The following RNF17 variants were observed in gnomAD, a reference collection of about 807,000 sequenced individuals.
RNF17 encodes the protein ring finger protein 17.
RNF17 carries 31 observed loss-of-function variants against 200.5 expected under a neutral mutation model. That is an observed-to-expected ratio of 0.15 (90% CI 0.12 to 0.21). RNF17 has a LOEUF of 0.21. Ranked by LOEUF, RNF17 falls within the 10% of genes least tolerant of loss-of-function variation. RNF17 has a pLI of 1.00. For missense variants in RNF17, 1,628 were observed against 1,905.1 expected, an observed-to-expected ratio of 0.85 and a Z score of 2.71; for synonymous variants, 606 against 637.8, an observed-to-expected ratio of 0.95 and a Z score of 0.75.
chr13:24,761,544 A>G (rs999652958), upstream of RNF17, among the ~76,000 whole-genome samples: 3 of 152,202 alleles, frequency 2.0e-5, no homozygotes, highest in African/African-American at 7.2e-5. Context: ...TGTATTCAAG[A>G]AGGGAGCCCT....
chr13:24,886,597 G>A, the RNF17 span, among the ~76,000 whole-genome samples: 1 of 152,126 alleles, frequency 6.6e-6, no homozygotes, highest in African/African-American at 2.4e-5. Context: ...TTGAGCAAAG[G>A]GGCAGATGGC....
chr13:24,851,716 A>G (rs1457690319), intron 24 of RNF17, 145 bp downstream of exon 24: 4 of 585,160 alleles, frequency 6.8e-6, no homozygotes, highest in Non-Finnish European at 1.2e-5. Context: ...GCCAGCTCAG[A>G]AATAGATTCC....
At chr13:24,813,999 A>G (rs903760280) in intron 15 of RNF17, among the ~76,000 whole-genome samples, 1 of 151,992 alleles carries the variant, frequency 6.6e-6, no homozygotes, top group Non-Finnish European at 1.5e-5. Context: ...CTTAACTACT[A>G]ATAGCCTACT....
At chr13:24,885,545 A>G in the RNF17 span, 5 of 1,339,332 alleles carry the variant, frequency 3.7e-6, no homozygotes, top group Non-Finnish European at 5.4e-6. Flanking sequence ...AAGTCTATTA[A>G]CAAATTGATT....
chr13:24,814,194 T>C (rs1887117843), intron 15 of RNF17, among the ~76,000 whole-genome samples: 1 of 152,180 alleles, frequency 6.6e-6, no homozygotes, highest in Non-Finnish European at 1.5e-5. Flanking sequence ...ACCTTCATGT[T>C]GAATAGGCTG....
At chr13:24,832,918 AT>A (rs200346165) in intron 18 of RNF17, among the ~76,000 whole-genome samples, 1 of 151,780 alleles carries the variant, frequency 6.6e-6, no homozygotes, top group South Asian at 2.1e-4. Flanking sequence ...TAATTTTTAA[AT>A]TTTTTTTGTA....
Position 24,879,268 on chromosome 13 carries a change from G to A in RNF17, c.4855G>A (p.Ala1619Thr), listed in dbSNP as rs1454847199. The stretch of plus-strand genomic sequence containing the variant: ...TATGCCGTTGGTAGAAATGGGGCTT[G>A]CAGATAAAGATGAATAAGTGCCTAA... ...VHMPLVEMGL[A>T]DKDE The change falls in exon 35 of 36, where the codon GCA becomes ACA. Residue 1619 changes from alanine (A) to threonine (T), a missense_variant. Physicochemically the swap from Ala to Thr is moderately conservative, Grantham distance 58. Around this residue, in one of 5 missense-constraint regions of RNF17, gnomAD observed 609 missense variants for 681.9 expected, o/e 0.89. Transcript: ENST00000255324. 1 of 1,611,286 alleles carries A rather than the reference G, an allele frequency of 6.2e-7. No homozygotes were observed. Among genetic ancestry groups the A allele is most frequent in the Non-Finnish European group, 8.5e-7 (1 of 1,177,446 alleles).
rs553761944 is a variant in RNF17 at position 24,812,595 on chromosome 13, C to T, written c.2091+8166C>T. Among the ~76,000 whole-genome samples, 15 of 151,928 alleles carry T rather than the reference C, an allele frequency of 9.9e-5. No homozygotes were observed. In the South Asian group the frequency reaches 3.1e-3, roughly 32 times the overall value. On this transcript the variant is annotated intron_variant, in intron 15 of 35. Coordinates refer to ENST00000255324, the MANE Select transcript of RNF17 (RefSeq NM_031277.3). ...ACCTCAGATGGAAATGCAGAAATCA[C>T]CTGTCTTCTGCGTTGTTGACACTGG...
chr13:24,824,012 C>G (rs1407034041), intron 15 of RNF17, among the ~76,000 whole-genome samples: 1 of 152,188 alleles, frequency 6.6e-6, no homozygotes, highest in Non-Finnish European at 1.5e-5. Context: ...CTGGTCTGTT[C>G]CCTCTGGTTC....
intron 31 of RNF17, among the ~76,000 whole-genome samples, chr13:24,869,694 AC>A (rs1894037885): frequency 6.6e-6 from 1 of 152,150 alleles, no homozygotes; most frequent in Admixed American, 6.5e-5. Flanking sequence ...GCAGAGTTCT[AC>A]CAAGACAGAA....
At chr13:24,884,129 G>GAATT (rs3831371), downstream of RNF17, 633,868 of 1,611,802 alleles carry the variant, frequency 0.39, 127,146 homozygotes, top group Admixed American at 0.46. Flanking sequence ...AGGAAGGGAA[G>GAATT]AATTTAATGA....
intron 15 of RNF17, among the ~76,000 whole-genome samples, chr13:24,818,763 G>C (rs1343152642): frequency 6.6e-6 from 1 of 151,964 alleles, no homozygotes; most frequent in Non-Finnish European, 1.5e-5. Flanking sequence ...CTTTCAACCT[G>C]TGTATAGCAT....
intron 32 of RNF17, 95 bp downstream of exon 32, chr13:24,870,834 A>G (rs963068685): frequency 8.0e-6 from 7 of 879,034 alleles, no homozygotes; most frequent in African/African-American, 6.7e-5. Context: ...TAATGCTGAT[A>G]TTTTCCTCAT....
At chr13:24,759,229 A>G (rs1347396962), upstream of RNF17, among the ~76,000 whole-genome samples, 1 of 152,210 alleles carries the variant, frequency 6.6e-6, no homozygotes, top group Non-Finnish European at 1.5e-5. Context: ...GAAGAGGTCA[A>G]GACTGTAACT....
At chr13:24,782,109 G>A (rs565597587) in intron 6 of RNF17, among the ~76,000 whole-genome samples, 165 bp downstream of exon 6, 1 of 152,128 alleles carries the variant, frequency 6.6e-6, no homozygotes, top group Non-Finnish European at 1.5e-5. Flanking sequence ...CTGATCTTTA[G>A]AACTGCAAAA....
At chr13:24,852,153 TTC>T (rs1255003236) in intron 24 of RNF17, among the ~76,000 whole-genome samples, 1 of 150,558 alleles carries the variant, frequency 6.6e-6, no homozygotes. Context: ...TTTTTTTTTT[TTC>T]TGAGACGGAG....
At chr13:24,884,471 A>C (rs1475567769), downstream of RNF17, 2 of 1,613,956 alleles carry the variant, frequency 1.2e-6, no homozygotes, top group Admixed American at 3.3e-5. Context: ...CACCTAAAAA[A>C]CCAACACAAG....
At chr13:24,798,083 A>C (rs1884819555) in intron 11 of RNF17, among the ~76,000 whole-genome samples, 1 of 152,134 alleles carries the variant, frequency 6.6e-6, no homozygotes, top group Non-Finnish European at 1.5e-5. Context: ...TGATTCACCA[A>C]AAATTGAGTA....
intron 18 of RNF17, among the ~76,000 whole-genome samples, chr13:24,836,892 T>C (rs908419976): frequency 6.6e-6 from 1 of 152,132 alleles, no homozygotes; most frequent in African/African-American, 2.4e-5. Flanking sequence ...TAACATTGAA[T>C]GTAAATTGCC....
Sources: gnomAD v4.1 joint callset for allele counts (sites outside exome capture counted in the v4.1 genomes callset) on GRCh38, gnomAD v4.1.1 for gene constraint, gnomAD v4.1.1 regional missense constraint, MANE v1.5 for transcripts, NCBI Gene and HGNC (gene_info 2026-07-23, HGNC 2026-07-21) for gene names.